The following NRG1 variants were observed in gnomAD, a reference collection of about 807,000 sequenced individuals.
The protein encoded by NRG1 is pro-neuregulin-1, membrane-bound isoform.
Under a neutral mutation model 63.8 loss-of-function variants are expected in NRG1, and 18 were observed. The ratio of observed to expected loss-of-function variants is 0.28; its 90% CI spans 0.19 to 0.42. NRG1 has a LOEUF of 0.42. Among genes scored for constraint, NRG1 ranks in the 10% least tolerant of loss-of-function variants. NRG1 has a pLI of 1.00. For synonymous variants in NRG1, 302 were observed against 301.3 expected (o/e 1.00, Z -0.02); for missense variants, 762 against 814.7 (o/e 0.94, Z 0.79).
intron 1 of NRG1, among the ~76,000 whole-genome samples, chr8:31,687,229 G>A (rs1001414867): frequency 5.3e-5 from 8 of 152,134 alleles, no homozygotes; most frequent in Admixed American, 3.9e-4. Flanking sequence ...TTAGGGAGGA[G>A]AAAGAAACAA....
intron 1 of NRG1, among the ~76,000 whole-genome samples, chr8:32,306,896 G>A (rs1856249656): frequency 6.6e-6 from 1 of 152,110 alleles, no homozygotes; most frequent in African/African-American, 2.4e-5. Context: ...TATTTCTAGA[G>A]CATCCTTTTG....
At chr8:32,510,097 A>AAATAATAAT (rs57367955) in intron 1 of NRG1, among the ~76,000 whole-genome samples, 1,433 of 139,114 alleles carry the variant, frequency 0.01, 15 homozygotes, top group African/African-American at 0.031. Context: ...TCCTAGACAA[A>AAATAATAAT]AATAATAATA....
intron 1 of NRG1, among the ~76,000 whole-genome samples, chr8:31,840,346 T>C (rs998389489): frequency 9.3e-6 from 1 of 107,598 alleles, no homozygotes; most frequent in African/African-American, 3.3e-5. Flanking sequence ...TGCTATTCTC[T>C]GTCTTTTTTT....
intron 1 of NRG1, among the ~76,000 whole-genome samples, chr8:32,375,108 G>A (rs1809444967): frequency 6.6e-6 from 1 of 151,910 alleles, no homozygotes; most frequent in Admixed American, 6.6e-5. Context: ...TCAGCCTCCT[G>A]AGTAGCTGGG....
chr8:31,945,565 T>G (rs1254462119), intron 1 of NRG1, among the ~76,000 whole-genome samples: 3 of 152,146 alleles, frequency 2.0e-5, no homozygotes, highest in Non-Finnish European at 4.4e-5. Flanking sequence ...CCATCTGCAG[T>G]TCGGAGCCTG....
Position 32,710,202 on chromosome 8 carries a change from G to A in NRG1, c.503-17747G>A, listed in dbSNP as rs540565313. On this transcript the variant is annotated intron_variant, in intron 5 of 11. Transcript: ENST00000356819. Reference sequence around the variant, plus strand: ...TGTGATTTGCATGTTATATACAAATGAGGTTAAAGAAAATTACAAGTCAAC... The same window carrying A: ...TGTGATTTGCATGTTATATACAAATAAGGTTAAAGAAAATTACAAGTCAAC... Among the ~76,000 whole-genome samples, 4 of 152,252 alleles carry A rather than the reference G, an allele frequency of 2.6e-5. No individual in the cohort carries two copies. In the East Asian group the frequency reaches 7.7e-4, roughly 29 times the overall value.
At chr8:32,265,188 A>C (rs1850788556) in intron 1 of NRG1, among the ~76,000 whole-genome samples, 1 of 152,094 alleles carries the variant, frequency 6.6e-6, no homozygotes, top group Non-Finnish European at 1.5e-5. Context: ...ATTTTAAATT[A>C]TCTAAGCATA....
At chr8:32,613,838 T>C (rs1006533449) in intron 3 of NRG1, among the ~76,000 whole-genome samples, 2 of 152,004 alleles carry the variant, frequency 1.3e-5, no homozygotes, top group Admixed American at 1.3e-4. Context: ...AACTACCCAT[T>C]CCATCATAAA....
chr8:31,944,780 C>G (rs1364810285), intron 1 of NRG1, among the ~76,000 whole-genome samples: 2 of 152,132 alleles, frequency 1.3e-5, no homozygotes, highest in Non-Finnish European at 2.9e-5. Context: ...ATTAGTGGAT[C>G]AACAAAGCAA....
chr8:31,699,400 A>G (rs965831228), intron 1 of NRG1, among the ~76,000 whole-genome samples: 4 of 152,200 alleles, frequency 2.6e-5, no homozygotes, highest in African/African-American at 9.6e-5. Context: ...GCCTTTGCAT[A>G]TTAAAAAAAA....
chr8:31,696,605 A>T (rs556525830), intron 1 of NRG1, among the ~76,000 whole-genome samples: 1 of 152,246 alleles, frequency 6.6e-6, no homozygotes, highest in African/African-American at 2.4e-5. Context: ...TATACCCATT[A>T]TATAATCCTA....
chr8:32,067,155 C>T (rs998939129), intron 1 of NRG1, among the ~76,000 whole-genome samples: 6 of 152,182 alleles, frequency 3.9e-5, no homozygotes, highest in Non-Finnish European at 5.9e-5. Flanking sequence ...TTGACTTCCT[C>T]TTTTCCTAAT....
intron 1 of NRG1, among the ~76,000 whole-genome samples, chr8:32,156,258 C>A (rs573516237): frequency 6.6e-6 from 1 of 152,320 alleles, no homozygotes; most frequent in South Asian, 2.1e-4. Flanking sequence ...GCTGCTTATT[C>A]TTCTGGTTTT....
chr8:32,401,080 G>T (rs1237118336), intron 1 of NRG1, among the ~76,000 whole-genome samples: 1 of 152,204 alleles, frequency 6.6e-6, no homozygotes, highest in Middle Eastern at 3.4e-3. Flanking sequence ...TCATAAGTGG[G>T]AACTAAACAA....
At chr8:31,928,352 T>TAAAAAAAAAAAAAAAA (rs77001238) in intron 1 of NRG1, among the ~76,000 whole-genome samples, 52 of 80,116 alleles carry the variant, frequency 6.5e-4, no homozygotes, top group African/African-American at 2.5e-3. Flanking sequence ...ATGGATGTGG[T>TAAAAAAAAAAAAAAAA]AAAAAAAAAA....
intron 1 of NRG1, among the ~76,000 whole-genome samples, chr8:32,279,643 G>A (rs962285022): frequency 6.6e-6 from 1 of 152,184 alleles, no homozygotes; most frequent in Non-Finnish European, 1.5e-5. Context: ...GAGCCACCAC[G>A]CCCGGCCAAG....
chr8:32,319,474 C>T (rs1017097862), intron 1 of NRG1, among the ~76,000 whole-genome samples: 2 of 152,106 alleles, frequency 1.3e-5, no homozygotes, highest in African/African-American at 4.8e-5. Context: ...AGGGAACCTG[C>T]AAAGATCTAG....
rs137996163 is a variant in NRG1 at position 32,018,968 on chromosome 8, T to C, written c.37+379537T>C. The stretch of plus-strand genomic sequence containing the variant: ...CATATTGTGGTTTTTAATTTGCATA[T>C]TCTTGATGACTAATGATGTTTGGGA... On this transcript the variant is annotated intron_variant, in intron 1 of 10. Coordinates refer to the NRG1 transcript ENST00000519301. Among the ~76,000 whole-genome samples the C allele has an allele frequency of 8.7e-3, 1,330 of 152,362 alleles. 14 individuals are homozygous for C. Among genetic ancestry groups the C allele is most frequent in the Non-Finnish European group, 0.014 (951 of 68,034 alleles).
intron 1 of NRG1, among the ~76,000 whole-genome samples, chr8:32,457,304 AC>A (rs1821724790): frequency 6.6e-6 from 1 of 152,198 alleles, no homozygotes; most frequent in African/African-American, 2.4e-5. Context: ...AGTAAGCAGA[AC>A]ACATGATCCC....
Sources: gnomAD v4.1 joint callset for allele counts (sites outside exome capture counted in the v4.1 genomes callset) on GRCh38, gnomAD v4.1.1 for gene constraint, MANE v1.5 for transcripts, NCBI Gene and HGNC (gene_info 2026-07-23, HGNC 2026-07-21) for gene names.